EPCAM: variants seen among roughly 807,000 people sequenced by gnomAD.
EPCAM encodes the protein epithelial cell adhesion molecule.
EPCAM carries 39 observed loss-of-function variants against 40.0 expected under a neutral mutation model. The observed-to-expected ratio is 0.98, with a 90% CI of 0.76 to 1.27. EPCAM has a LOEUF of 1.27. EPCAM is among the 50% of genes most tolerant of loss of function. The pLI is 0.00. For synonymous variants in EPCAM, 168 were observed against 132.3 expected (o/e 1.27, Z -1.85); for missense variants, 503 against 381.2 (o/e 1.32, Z -2.66).
At chr2:47,378,918 A>G (rs1289651321) in intron 5 of EPCAM, 35 bp from the exon 6 acceptor site, 2 of 870,884 alleles carry the variant, frequency 2.3e-6, no homozygotes, top group African/African-American at 3.3e-5. Flanking sequence ...TGATTATATT[A>G]GTATTAATTT....
chr2:47,374,251 C>G (rs1048632158), intron 3 of EPCAM, among the ~76,000 whole-genome samples: 2 of 152,004 alleles, frequency 1.3e-5, no homozygotes, highest in Non-Finnish European at 2.9e-5. Flanking sequence ...CTATAACCTT[C>G]CAGAGATAGT....
intron 5 of EPCAM, among the ~76,000 whole-genome samples, chr2:47,378,685 T>C (rs965533125): frequency 1.3e-4 from 19 of 149,292 alleles, no homozygotes; most frequent in African/African-American, 4.6e-4. Flanking sequence ...AAAAATCTTT[T>C]CAATATAAGA....
chr2:47,383,698 G>C (rs368342745), intron 7 of EPCAM, among the ~76,000 whole-genome samples: 13 of 123,892 alleles, frequency 1.0e-4, no homozygotes, highest in African/African-American at 4.1e-4. Context: ...GCAGTGGCAC[G>C]ATCTCGGCTC....
At position 47,379,839 on chromosome 2, in the gene EPCAM, A is replaced by G; in HGVS notation, c.728A>G (p.Asp243Gly). ...GTAAATGGGGAACAACTGGATCTGGATCCTGGTCAAACTTTAATTTATTAT... is the reference window on the plus strand; with the variant it reads ...GTAAATGGGGAACAACTGGATCTGGGTCCTGGTCAAACTTTAATTTATTAT... ...LTVNGEQLDL[D>G]PGQTLIYYVD... is the part of the protein sequence containing the mutation. Residue 243 changes from aspartate to glycine, a missense_variant, in exon 7 of 9, where the codon GAT becomes GGT. Coordinates refer to ENST00000263735, the MANE Select transcript of EPCAM (RefSeq NM_002354.3). 1 of 1,614,074 alleles carries G rather than the reference A, an allele frequency of 6.2e-7. No homozygotes were observed. The highest frequency in any genetic ancestry group is 8.5e-7 in the Non-Finnish European group (1 of 1,180,032).
intron 1 of EPCAM, among the ~76,000 whole-genome samples, 168 bp from the exon 2 acceptor site, chr2:47,373,295 C>T (rs1321434054): frequency 6.7e-6 from 1 of 149,826 alleles, no homozygotes; most frequent in Non-Finnish European, 1.5e-5. Context: ...TTAGCAAGTG[C>T]CAGGCACTTA....
intron 3 of EPCAM, among the ~76,000 whole-genome samples, chr2:47,374,459 T>G (rs1409305157): frequency 6.6e-6 from 1 of 152,154 alleles, no homozygotes; most frequent in African/African-American, 2.4e-5. Context: ...AGGGATTGTT[T>G]AATGAAAAGG....
Position 47,375,259 on chromosome 2 carries a change from A to G in EPCAM, c.451A>G (p.Lys151Glu). 3.7e-6 allele frequency: 6 copies of G among 1,612,232 alleles called. No homozygotes were observed. The highest frequency in any genetic ancestry group is 5.1e-6 in the Non-Finnish European group (6 of 1,178,370). The change falls in exon 4 of 9, where the codon AAA becomes GAA. Residue 151 changes from lysine (K) to glutamate (E), a missense_variant. Lys to Glu is a moderately conservative substitution (Grantham distance 56, BLOSUM62 1). Coordinates refer to ENST00000263735, the MANE Select transcript of EPCAM (RefSeq NM_002354.3). ...CTGGATCATCATTGAACTAAAACAC[A>G]AAGCAAGAGAAAAACCTTATGATAG... Reference protein sequence around the residue: ...TYWIIIELKHKAREKPYDSKS... With the variant: ...TYWIIIELKHEAREKPYDSKS...
chr2:47,371,300 G>A (rs1052774504), intron 1 of EPCAM, among the ~76,000 whole-genome samples: 6 of 151,604 alleles, frequency 4.0e-5, no homozygotes, highest in African/African-American at 1.5e-4. Context: ...TCCGTCTGTC[G>A]TTCAGCCTGG....
At chr2:47,377,402 A>C (rs1450479051) in intron 5 of EPCAM, among the ~76,000 whole-genome samples, 2 of 151,746 alleles carry the variant, frequency 1.3e-5, no homozygotes, top group Non-Finnish European at 2.9e-5. Context: ...ATGCCCAGCT[A>C]ATTTTTGTAT....
chr2:47,373,441 GA>G (rs773755361), intron 1 of EPCAM, 21 bp from the exon 2 acceptor site: 8 of 1,457,420 alleles, frequency 5.5e-6, no homozygotes, highest in Middle Eastern at 1.7e-4. Context: ...TTTTAAAGTA[GA>G]TTTTTTTTTT....
At chr2:47,370,315 A>G (rs1468985695) in intron 1 of EPCAM, among the ~76,000 whole-genome samples, 2 of 152,140 alleles carry the variant, frequency 1.3e-5, no homozygotes, top group African/African-American at 4.8e-5. Flanking sequence ...TCTGTCGCCC[A>G]AGCTGGAGTG....
At chr2:47,379,138 A>G in intron 6 of EPCAM, 84 bp downstream of exon 6, 1 of 823,340 alleles carries the variant, frequency 1.2e-6, no homozygotes, top group Non-Finnish European at 2.1e-6. Flanking sequence ...TCACCTTTTT[A>G]TCCACTTACA....
intron 6 of EPCAM, among the ~76,000 whole-genome samples, 156 bp from the exon 7 acceptor site, chr2:47,379,613 A>G (rs1291152259): frequency 1.3e-5 from 2 of 152,172 alleles, no homozygotes; most frequent in Non-Finnish European, 2.9e-5. Context: ...CCTGTAATAA[A>G]CAGTTTTTTA....
chr2:47,385,153 T>G lies in EPCAM; in HGVS notation c.859-13T>G. The G allele has an allele frequency of 2.5e-6, 4 of 1,608,576 alleles. No individual in the cohort carries two copies. Among genetic ancestry groups the G allele is most frequent in the African/African-American group, 1.3e-5 (1 of 74,952 alleles). ...AGCAGTCCTAAAACAATAGTTGTCT[T>G]TCTTCCACTCAGGTTATTTCCAGAA... On this transcript the variant is annotated splice_polypyrimidine_tract_variant and intron_variant, in intron 7 of 8. Transcript: ENST00000263735.
At position 47,375,866 on chromosome 2, in the gene EPCAM, C is replaced by G. The variant is rs140524726; in HGVS notation, c.491+567C>G. Reference sequence around the variant, plus strand: ...GACTACAGGTGCCTGCCACTACGCCCTGCTAATTTTTGTAGTTTTAGTAGA... The same window carrying G: ...GACTACAGGTGCCTGCCACTACGCCGTGCTAATTTTTGTAGTTTTAGTAGA... On this transcript the variant is annotated intron_variant, in intron 4 of 8. Transcript: ENST00000263735. 2.4e-3 allele frequency among the ~76,000 whole-genome samples: 367 copies of G among 151,962 alleles called. 2 individuals carry two copies. The highest frequency in any genetic ancestry group is 8.2e-3 in the African/African-American group (338 of 41,436).
chr2:47,377,899 C>G (rs962037556), intron 5 of EPCAM: 5 of 321,786 alleles, frequency 1.6e-5, no homozygotes, highest in Non-Finnish European at 2.5e-5. Context: ...TGAATTTATT[C>G]AAGAGTCTTT....
intron 8 of EPCAM, among the ~76,000 whole-genome samples, 155 bp downstream of exon 8, chr2:47,385,365 C>A (rs748996279): frequency 1.4e-4 from 22 of 152,118 alleles, no homozygotes; most frequent in Non-Finnish European, 2.9e-4. Flanking sequence ...TGTACTCTTA[C>A]CTAAATATTC....
chr2:47,373,752 TC>T (rs1370648504), intron 2 of EPCAM, 55 bp from the exon 3 acceptor site: 36 of 1,609,118 alleles, frequency 2.2e-5, no homozygotes, highest in Middle Eastern at 1.7e-4. Context: ...ATTTTTTTTT[TC>T]CCGTAATCAT....
intron 1 of EPCAM, among the ~76,000 whole-genome samples, chr2:47,370,938 C>G (rs1264095466): frequency 6.6e-6 from 1 of 152,110 alleles, no homozygotes; most frequent in African/African-American, 2.4e-5. Context: ...GTCTCGAACT[C>G]CTGACCTCAG....
Sources: gnomAD v4.1 joint callset for allele counts (sites outside exome capture counted in the v4.1 genomes callset) on GRCh38, gnomAD v4.1.1 for gene constraint, MANE v1.5 for transcripts, NCBI Gene and HGNC (gene_info 2026-07-23, HGNC 2026-07-21) for gene names.